Variants in NAB1 observed in about 807,000 individuals in gnomAD.
The protein encoded by NAB1 is NGFI-A binding protein 1.
A neutral mutation model predicts 49.9 loss-of-function variants in NAB1; 25 were observed. That is an observed-to-expected ratio of 0.50 (90% CI 0.37 to 0.70). The LOEUF (loss-of-function observed/expected upper bound fraction) is 0.70, where lower values mean the gene tolerates loss of function less well. Ranked by LOEUF, NAB1 falls within the 30% of genes least tolerant of loss-of-function variation. The pLI, the probability that NAB1 is intolerant of heterozygous loss-of-function variation, is 0.00. For synonymous variants in NAB1, 198 were observed against 215.6 expected (o/e 0.92, Z 0.71); for missense variants, 489 against 575.9 (o/e 0.85, Z 1.54).
In NAB1 at chr2:190,682,589, TA is replaced by T. The variant is rs1474359305; in HGVS notation, c.1006-1143del. Among the ~76,000 whole-genome samples the T allele has an allele frequency of 6.6e-6, 1 of 152,196 alleles. No individual in the cohort carries two copies. The highest frequency in any genetic ancestry group is 2.4e-5 in the African/African-American group (1 of 41,446). Reference sequence around the variant, plus strand: ...TTCAGATAGGTCAGAGGGTTAAATTTAAAAAACAAATCAAACTTTTAGAAAA... The same window carrying T: ...TTCAGATAGGTCAGAGGGTTAAATTTAAAAACAAATCAAACTTTTAGAAAA... On this transcript the variant is annotated intron_variant, in intron 6 of 9. Coordinates refer to ENST00000337386, the MANE Select transcript of NAB1 (RefSeq NM_005966.4). This position sits in a 1 kb window ranked among gnomAD's most constrained non-coding sequence, Gnocchi z 4.1.
rs904842724 is a variant in NAB1, at chr2:190,678,354, T to C, written c.1005+5202T>C. 6.6e-6 allele frequency among the ~76,000 whole-genome samples: 1 copy of C among 152,222 alleles called. No individual in the cohort carries two copies. The highest frequency in any genetic ancestry group is 1.5e-5 in the Non-Finnish European group (1 of 68,042). On this transcript the variant is annotated intron_variant, in intron 6 of 9. Coordinates refer to ENST00000337386, the MANE Select transcript of NAB1 (RefSeq NM_005966.4). The surrounding 1 kb of genome is among the most constrained non-coding windows in gnomAD (Gnocchi z 4.9). Reference sequence around the variant, plus strand: ...ACACATTCAGTTCCATGAACAAATTTGTTATTAACTCCAATGTTATAAGTA... The same window carrying C: ...ACACATTCAGTTCCATGAACAAATTCGTTATTAACTCCAATGTTATAAGTA...
In NAB1 at chr2:190,678,307, T is replaced by G. The variant is rs1695170153; in HGVS notation, c.1005+5155T>G. On this transcript the variant is annotated intron_variant, in intron 6 of 9. Coordinates refer to ENST00000337386, the MANE Select transcript of NAB1 (RefSeq NM_005966.4). This position sits in a 1 kb window ranked among gnomAD's most constrained non-coding sequence, Gnocchi z 4.9. ...GTTAGTTAAAAGTGAATTCAATTGG[T>G]AACCTTTCTTTTTCATTAAGAACAC... 6.6e-6 allele frequency among the ~76,000 whole-genome samples: 1 copy of G among 152,246 alleles called. No individual in the cohort carries two copies. Among genetic ancestry groups the G allele is most frequent in the South Asian group, 2.1e-4 (1 of 4,836 alleles).
rs934313827 is a variant in NAB1, at chr2:190,675,418, T to C, written c.1005+2266T>C. Among the ~76,000 whole-genome samples, 1 of 152,226 alleles carries C rather than the reference T, an allele frequency of 6.6e-6. No individual in the cohort carries two copies. Among genetic ancestry groups the C allele is most frequent in the African/African-American group, 2.4e-5 (1 of 41,454 alleles). ...ACCCTCTCAGAGGCCTTGTATTTCATTACAGTGCTTTCAGTTTCTTATTAG... is the reference window on the plus strand; with the variant it reads ...ACCCTCTCAGAGGCCTTGTATTTCACTACAGTGCTTTCAGTTTCTTATTAG... On this transcript the variant is annotated intron_variant, in intron 6 of 9. Transcript: ENST00000337386. This position sits in a 1 kb window ranked among gnomAD's most constrained non-coding sequence, Gnocchi z 5.2.
At chr2:190,690,182 T>C in intron 9 of NAB1, 63 bp from the exon 10 acceptor site, 1 of 1,152,632 alleles carries the variant, frequency 8.7e-7, no homozygotes, top group Non-Finnish European at 1.3e-6. Flanking sequence ...TTTTAAAACT[T>C]TGTTTGATTT....
chr2:190,683,276 G>A (rs977514694), intron 6 of NAB1, among the ~76,000 whole-genome samples: 3 of 144,848 alleles, frequency 2.1e-5, no homozygotes. Flanking sequence ...GATTTCTGGC[G>A]TGTGCTACCA....
chr2:190,674,583 G>A lies in NAB1; in HGVS notation c.1005+1431G>A, dbSNP rs1459614068. Among the ~76,000 whole-genome samples the A allele has an allele frequency of 1.3e-5, 2 of 152,196 alleles. No homozygotes were observed. The highest frequency in any genetic ancestry group is 2.4e-5 in the African/African-American group (1 of 41,440). The stretch of plus-strand genomic sequence containing the variant: ...TAGGTCTCTTATCTGTGAATCTGCT[G>A]CTGTATACTTAGAGTTTGTAACAGC... On this transcript the variant is annotated intron_variant, in intron 6 of 9. Transcript: ENST00000337386. This position sits in a 1 kb window ranked among gnomAD's most constrained non-coding sequence, Gnocchi z 5.7.
Position 190,676,903 on chromosome 2 carries a change from A to G in NAB1, c.1005+3751A>G, listed in dbSNP as rs780176544. 1.6e-4 allele frequency: 25 copies of G among 152,246 alleles called. 2 individuals carry two copies. The highest frequency in any genetic ancestry group is 1.6e-3 in the Admixed American group (24 of 15,288). 9.4% of individuals were successfully genotyped at this position (152,246 alleles called of 1,614,324 possible). On this transcript the variant is annotated intron_variant, in intron 6 of 9. Transcript: ENST00000337386. This position sits in a 1 kb window ranked among gnomAD's most constrained non-coding sequence, Gnocchi z 4.6. ...AACATAATTTTTACAGGGAACAAAA[A>G]GAAATGTAATGTTGAGCAGATAAAA...
At position 190,676,267 on chromosome 2, in the gene NAB1, A is replaced by G. The variant is rs1037135968; in HGVS notation, c.1005+3115A>G. On this transcript the variant is annotated intron_variant, in intron 6 of 9. Coordinates refer to ENST00000337386, the MANE Select transcript of NAB1 (RefSeq NM_005966.4). The surrounding 1 kb of genome is among the most constrained non-coding windows in gnomAD (Gnocchi z 4.6). Reference sequence around the variant, plus strand: ...TGGGCAAAGACAGAGGTAAGAAAATACTAAGCATGTTCAGAGAACAATAAG... The same window carrying G: ...TGGGCAAAGACAGAGGTAAGAAAATGCTAAGCATGTTCAGAGAACAATAAG... Among the ~76,000 whole-genome samples the G allele has an allele frequency of 6.6e-6, 1 of 152,214 alleles. No individual in the cohort carries two copies.
At chr2:190,688,044 T>C (rs1033707802) in intron 9 of NAB1, among the ~76,000 whole-genome samples, 1 of 152,226 alleles carries the variant, frequency 6.6e-6, no homozygotes, top group African/African-American at 2.4e-5. Context: ...CATATTTTTA[T>C]CCAAGTAAAG....
chr2:190,664,954 T>C (rs1180081175), intron 4 of NAB1, among the ~76,000 whole-genome samples: 1 of 152,158 alleles, frequency 6.6e-6, no homozygotes, highest in Non-Finnish European at 1.5e-5. Context: ...AGCCCTGATA[T>C]ACTTTCTGTA....
At position 190,659,581 on chromosome 2, in the gene NAB1, T is replaced by C. The variant is rs1694110990; in HGVS notation, c.405T>C (p.Cys135=). Residue 135 remains cysteine (C), a synonymous_variant, in exon 4 of 10, where the codon TGT becomes TGC. Transcript: ENST00000337386. This position sits in a 1 kb window ranked among gnomAD's most constrained non-coding sequence, Gnocchi z 6.2. Reference sequence around the variant, plus strand: ...TCCCCAAATGTGCTGCCACCACCTGTGTGCAGAGCTTGGGACAGGGGAAGT... The same window carrying C: ...TCCCCAAATGTGCTGCCACCACCTGCGTGCAGAGCTTGGGACAGGGGAAGT... ...LKIPKCAATT[C]VQSLGQGKSD... is the part of the protein sequence containing the mutation. 1.9e-6 allele frequency: 3 copies of C among 1,614,118 alleles called. No homozygotes were observed. Among genetic ancestry groups the C allele is most frequent in the African/African-American group, 1.3e-5 (1 of 74,938 alleles).
intron 4 of NAB1, among the ~76,000 whole-genome samples, chr2:190,662,686 AAC>A (rs1294952222): frequency 6.6e-6 from 1 of 152,220 alleles, no homozygotes. Flanking sequence ...AAAACTTGGG[AAC>A]AGCAAGGCAA....
At position 190,677,391 on chromosome 2, in the gene NAB1, C is replaced by G. The variant is rs1473042522; in HGVS notation, c.1005+4239C>G. On this transcript the variant is annotated intron_variant, in intron 6 of 9. Transcript: ENST00000337386. The surrounding 1 kb of genome is among the most constrained non-coding windows in gnomAD (Gnocchi z 5.6). ...GCTTAGGTGTGCCTTAAGGAACCTA[C>G]CATTTGGAATGAAATCTCTAGGGAA... The G allele has an allele frequency of 2.0e-5, 3 of 152,088 alleles. No individual in the cohort carries two copies. The highest frequency in any genetic ancestry group is 7.2e-5 in the African/African-American group (3 of 41,380). 9.4% of individuals were successfully genotyped at this position (152,088 alleles called of 1,614,324 possible). A position where few individuals can be genotyped will look rare whatever the true frequency, so the allele number is the denominator to read the frequency against.
chr2:190,680,037 C>G lies in NAB1; in HGVS notation c.1006-3701C>G, dbSNP rs1163280503. 6.6e-6 allele frequency among the ~76,000 whole-genome samples: 1 copy of G among 152,154 alleles called. No homozygotes were observed. The highest frequency in any genetic ancestry group is 1.5e-5 in the Non-Finnish European group (1 of 68,018). ...TCCTTATTCTAGAGAATGTCATAACCAAACTCTCAGTTGCCTTATTTCTGC... is the reference window on the plus strand; with the variant it reads ...TCCTTATTCTAGAGAATGTCATAACGAAACTCTCAGTTGCCTTATTTCTGC... On this transcript the variant is annotated intron_variant, in intron 6 of 9. Coordinates refer to ENST00000337386, the MANE Select transcript of NAB1 (RefSeq NM_005966.4). This position sits in a 1 kb window ranked among gnomAD's most constrained non-coding sequence, Gnocchi z 5.2.
chr2:190,685,509 T>G lies in NAB1; in HGVS notation c.1129T>G (p.Phe377Val). The change falls in exon 8 of 10, where the codon TTC (phenylalanine) becomes GTC (valine). Residue 377 changes from phenylalanine (F) to valine (V), a missense_variant. This residue lies in a region of NAB1 where 212 missense variants were observed against 199.3 expected (regional missense o/e 1.06). Coordinates refer to ENST00000337386, the MANE Select transcript of NAB1 (RefSeq NM_005966.4). The surrounding 1 kb of genome is among the most constrained non-coding windows in gnomAD (Gnocchi z 4.5). ...PEKVMAKQME[F>V]LCNQAGYERL... ...AAAGGTGATGGCAAAGCAGATGGAG[T>G]TCCTTTGCAACCAAGCTGGCTATGA... 1.2e-6 allele frequency: 2 copies of G among 1,613,088 alleles called. No individual in the cohort carries two copies. The highest frequency in any genetic ancestry group is 1.7e-6 in the Non-Finnish European group (2 of 1,179,730).
intron 6 of NAB1, among the ~76,000 whole-genome samples, chr2:190,673,831 C>G (rs1370860203): frequency 1.3e-5 from 2 of 152,146 alleles, no homozygotes; most frequent in East Asian, 3.9e-4. Context: ...ATACTTAGGA[C>G]TCTCCGAACT....
rs1695379108 is a variant in NAB1, at chr2:190,682,128, G to A, written c.1006-1610G>A. On this transcript the variant is annotated intron_variant, in intron 6 of 9. Transcript: ENST00000337386. The surrounding 1 kb of genome is among the most constrained non-coding windows in gnomAD (Gnocchi z 4.1). ...TTGAAAAAAGTAGGTGGAATACCAA[G>A]TATAAAATGGAAGTAATTTAAGTTG... Among the ~76,000 whole-genome samples, 1 of 152,160 alleles carries A rather than the reference G, an allele frequency of 6.6e-6. No individual in the cohort carries two copies. The highest frequency in any genetic ancestry group is 1.5e-5 in the Non-Finnish European group (1 of 68,018).
At chr2:190,658,070 T>C (rs1694020548) in intron 3 of NAB1, among the ~76,000 whole-genome samples, 1 of 152,186 alleles carries the variant, frequency 6.6e-6, no homozygotes, top group Non-Finnish European at 1.5e-5. Context: ...TAAAGGCTGC[T>C]AAGAGGTCAA....
In NAB1 at chr2:190,680,761, G is replaced by A. The variant is rs936950274; in HGVS notation, c.1006-2977G>A. ...TCTAAGATGTCTGTACTTTGTAATT[G>A]TCCATAAAATTTCTCTTTTTTCCCC... On this transcript the variant is annotated intron_variant, in intron 6 of 9. Coordinates refer to ENST00000337386, the MANE Select transcript of NAB1 (RefSeq NM_005966.4). The surrounding 1 kb of genome is among the most constrained non-coding windows in gnomAD (Gnocchi z 5.2). 6.6e-6 allele frequency among the ~76,000 whole-genome samples: 1 copy of A among 152,044 alleles called. No individual in the cohort carries two copies. Among genetic ancestry groups the A allele is most frequent in the Non-Finnish European group, 1.5e-5 (1 of 68,000 alleles).
Sources: gnomAD v4.1 joint callset for allele counts (sites outside exome capture counted in the v4.1 genomes callset) on GRCh38, gnomAD v4.1.1 for gene constraint, gnomAD v4.1.1 regional missense constraint, Gnocchi (gnomAD v3.1) non-coding constraint, MANE v1.5 for transcripts, NCBI Gene and HGNC (gene_info 2026-07-23, HGNC 2026-07-21) for gene names.